CTNNA2: variants seen among roughly 807,000 people sequenced by gnomAD.
CTNNA2 encodes the protein catenin alpha-2.
Under a neutral mutation model 101.0 loss-of-function variants are expected in CTNNA2, and 42 were observed. That is an observed-to-expected ratio of 0.42 (90% CI 0.32 to 0.54). CTNNA2 has a LOEUF of 0.54. CTNNA2 is among the 20% of genes least tolerant of loss of function. CTNNA2 has a pLI of 0.14. For synonymous variants in CTNNA2, 450 were observed against 456.4 expected (o/e 0.99, Z 0.18); for missense variants, 871 against 1,223.1 (o/e 0.71, Z 4.29).
intron 7 of CTNNA2, among the ~76,000 whole-genome samples, chr2:79,981,163 T>C (rs1326798601): frequency 2.0e-5 from 3 of 152,040 alleles, no homozygotes; most frequent in African/African-American, 7.2e-5. Context: ...GGGTAAAGCA[T>C]GGAAATAAAT....
chr2:79,493,239 G>C (rs1006684618), intron 4 of CTNNA2, among the ~76,000 whole-genome samples: 1 of 151,924 alleles, frequency 6.6e-6, no homozygotes, highest in Non-Finnish European at 1.5e-5. Flanking sequence ...GAGGGGAGGG[G>C]AGAGAAGGGA....
intron 2 of CTNNA2, chr2:79,293,277 G>A (rs1675876548): frequency 6.6e-6 from 1 of 152,134 alleles, no homozygotes; most frequent in South Asian, 2.1e-4. Context: ...GTTTTCATGA[G>A]GTATGTGGGC....
intron 4 of CTNNA2, among the ~76,000 whole-genome samples, chr2:79,868,065 T>C (rs1233279902): frequency 6.6e-6 from 1 of 152,208 alleles, no homozygotes; most frequent in Non-Finnish European, 1.5e-5. Context: ...AAATGTAATT[T>C]GACTTGGGTG....
At chr2:79,646,108 C>CAGT (rs770204759) in intron 1 of CTNNA2, among the ~76,000 whole-genome samples, 8 of 152,236 alleles carry the variant, frequency 5.3e-5, no homozygotes, top group Non-Finnish European at 1.0e-4. Context: ...TGCTATAGAA[C>CAGT]AGTAGAAAGA....
At chr2:80,468,879 G>T (rs79356286) in intron 9 of CTNNA2, among the ~76,000 whole-genome samples, 2,289 of 152,230 alleles carry the variant, frequency 0.015, 58 homozygotes, top group African/African-American at 0.051. Flanking sequence ...GATGAATTTT[G>T]CCCCAAGAAA....
chr2:80,442,573 A>G (rs1682688461), intron 9 of CTNNA2, among the ~76,000 whole-genome samples: 1 of 152,102 alleles, frequency 6.6e-6, no homozygotes, highest in African/African-American at 2.4e-5. Flanking sequence ...TGCCTTCCCA[A>G]TGCCATGGCT....
chr2:80,084,067 C>T (rs543650661), intron 7 of CTNNA2, among the ~76,000 whole-genome samples: 176 of 152,198 alleles, frequency 1.2e-3, no homozygotes, highest in African/African-American at 4.1e-3. Context: ...CCTGGAATCA[C>T]GTTCTCTAAG....
At chr2:80,018,498 C>T (rs552333063) in intron 7 of CTNNA2, among the ~76,000 whole-genome samples, 4 of 152,192 alleles carry the variant, frequency 2.6e-5, no homozygotes, top group South Asian at 2.1e-4. Context: ...GGACCTTGGC[C>T]GGGCACCGTG....
chr2:79,998,353 T>G (rs547316717), intron 7 of CTNNA2, among the ~76,000 whole-genome samples: 1 of 152,360 alleles, frequency 6.6e-6, no homozygotes, highest in South Asian at 2.1e-4. Flanking sequence ...CATAATCAGA[T>G]AATTCTTAAA....
chr2:80,171,815 A>T (rs559379018), intron 7 of CTNNA2, among the ~76,000 whole-genome samples: 1 of 152,216 alleles, frequency 6.6e-6, no homozygotes, highest in East Asian at 1.9e-4. Flanking sequence ...ATCATCAGCT[A>T]GGAGGCCATA....
chr2:79,483,361 C>T (rs992347127), intron 4 of CTNNA2, among the ~76,000 whole-genome samples: 3 of 152,214 alleles, frequency 2.0e-5, no homozygotes, highest in African/African-American at 7.2e-5. Context: ...TTACTTTCTG[C>T]TAGTTTCTAC....
chr2:80,618,951 C>A, intron 17 of CTNNA2, 134 bp from the exon 18 acceptor site: 1 of 493,660 alleles, frequency 2.0e-6, no homozygotes, highest in Non-Finnish European at 3.4e-6. Flanking sequence ...GCACGTAATT[C>A]CTTCATATAC....
intron 7 of CTNNA2, among the ~76,000 whole-genome samples, chr2:80,351,190 A>T (rs768676854): frequency 6.6e-5 from 10 of 152,138 alleles, no homozygotes; most frequent in Non-Finnish European, 1.5e-4. Flanking sequence ...ACAGACATAC[A>T]TTCCAGTTGC....
chr2:80,376,870 T>C (rs1676008085), intron 7 of CTNNA2, among the ~76,000 whole-genome samples: 1 of 152,188 alleles, frequency 6.6e-6, no homozygotes, highest in South Asian at 2.1e-4. Context: ...TCTCCCTCTT[T>C]CTGGCAGTTA....
intron 7 of CTNNA2, chr2:80,162,847 A>G (rs1704415292): frequency 1.9e-6 from 3 of 1,595,808 alleles, no homozygotes; most frequent in African/African-American, 1.3e-5. Context: ...GAAGAGAAAG[A>G]TCTCTGAATT....
chr2:80,063,549 G>T (rs548596604), intron 7 of CTNNA2, among the ~76,000 whole-genome samples: 2 of 152,338 alleles, frequency 1.3e-5, no homozygotes, highest in South Asian at 2.1e-4. Context: ...CACCCTTCAC[G>T]TAACTGTCTA....
chr2:79,574,827 C>T (rs1018285146), intron 1 of CTNNA2, among the ~76,000 whole-genome samples: 1 of 152,160 alleles, frequency 6.6e-6, no homozygotes, highest in Non-Finnish European at 1.5e-5. Flanking sequence ...AATTTACATT[C>T]CCACCAGCTG....
intron 7 of CTNNA2, among the ~76,000 whole-genome samples, chr2:79,915,654 G>T (rs1477310639): frequency 6.6e-6 from 1 of 152,186 alleles, no homozygotes; most frequent in Non-Finnish European, 1.5e-5. Flanking sequence ...CAGCTTTACA[G>T]TTTCTGTGGT....
intron 4 of CTNNA2, among the ~76,000 whole-genome samples, chr2:79,408,545 A>C (rs1558659946): frequency 1.3e-5 from 2 of 150,186 alleles, no homozygotes; most frequent in African/African-American, 2.5e-5. Context: ...ATGAGTGAGA[A>C]CATGCGGTAT....
Sources: allele counts gnomAD v4.1 joint callset (sites outside exome capture counted in the v4.1 genomes callset), GRCh38; gene constraint gnomAD v4.1.1; transcripts MANE v1.5; gene names NCBI Gene and HGNC (gene_info 2026-07-23, HGNC 2026-07-21).